SRPK2: variants seen among roughly 807,000 people sequenced by gnomAD.
SRPK2 encodes SFRS protein kinase 2.
Under a neutral mutation model 90.8 loss-of-function variants are expected in SRPK2, and 21 were observed. That is an observed-to-expected ratio of 0.23 (90% CI 0.16 to 0.33). The LOEUF (loss-of-function observed/expected upper bound fraction) is 0.33, where lower values mean the gene tolerates loss of function less well. Among genes scored for constraint, SRPK2 ranks in the 10% least tolerant of loss-of-function variants. The pLI, the probability that SRPK2 is intolerant of heterozygous loss-of-function variation, is 1.00. For synonymous variants in SRPK2, 288 were observed against 311.1 expected (o/e 0.93, Z 0.78); for missense variants, 620 against 869.0 (o/e 0.71, Z 3.60).
Position 105,381,245 on chromosome 7 carries a change from A to G in SRPK2, c.71+7403T>C, listed in dbSNP as rs78849106. Reference sequence around the variant, plus strand: ...GGTGACAGAGCAAGACTGCCTCAAGAAAAAAAAAAAAAGTTATTTCATTAA... The same window carrying G: ...GGTGACAGAGCAAGACTGCCTCAAGGAAAAAAAAAAAAGTTATTTCATTAA... On this transcript the variant is annotated intron_variant, in intron 2 of 15. Coordinates refer to ENST00000393651, the MANE Select transcript of SRPK2 (RefSeq NM_182692.3). Among the ~76,000 whole-genome samples, 11 of 144,010 alleles carry G rather than the reference A, an allele frequency of 7.6e-5. No individual in the cohort carries two copies. In the East Asian group the frequency reaches 1.2e-3, roughly 16 times the overall value. 94.5% of individuals were successfully genotyped at this position (144,010 alleles called of 152,430 possible). A position where few individuals can be genotyped will look rare whatever the true frequency, so the allele number is the denominator to read the frequency against.
At chr7:105,149,831 C>T (rs953626366) in intron 7 of SRPK2, among the ~76,000 whole-genome samples, 4 of 152,152 alleles carry the variant, frequency 2.6e-5, no homozygotes, top group East Asian at 1.9e-4. Flanking sequence ...CTCTTAAAAA[C>T]GATCAAAATC....
At chr7:105,254,751 G>A (rs911951543) in intron 2 of SRPK2, among the ~76,000 whole-genome samples, 1 of 152,046 alleles carries the variant, frequency 6.6e-6, no homozygotes, top group African/African-American at 2.4e-5. Context: ...GTGCAGTGGT[G>A]TGGTCTTGGC....
At chr7:105,201,538 T>C (rs1795552460) in intron 3 of SRPK2, among the ~76,000 whole-genome samples, 1 of 151,294 alleles carries the variant, frequency 6.6e-6, no homozygotes, top group Non-Finnish European at 1.5e-5. Flanking sequence ...AAGATCCAGA[T>C]GAACAAGACA....
intron 2 of SRPK2, among the ~76,000 whole-genome samples, chr7:105,294,888 T>C (rs1384012269): frequency 6.6e-6 from 1 of 152,150 alleles, no homozygotes; most frequent in Non-Finnish European, 1.5e-5. Flanking sequence ...TAATAATATG[T>C]CTTTTGGCAA....
At chr7:105,369,445 G>A (rs1465640948) in intron 2 of SRPK2, among the ~76,000 whole-genome samples, 1 of 151,914 alleles carries the variant, frequency 6.6e-6, no homozygotes, top group African/African-American at 2.4e-5. Flanking sequence ...ACTGTGCCCG[G>A]CCTACACAAG....
At position 105,153,748 on chromosome 7, in the gene SRPK2, G is replaced by A. The variant is rs190768946; in HGVS notation, c.621+6759C>T. 2.4e-4 allele frequency among the ~76,000 whole-genome samples: 37 copies of A among 152,278 alleles called. 1 individual carries two copies. The highest frequency in any genetic ancestry group is 1.1e-3 in the Admixed American group (17 of 15,292). On this transcript the variant is annotated intron_variant, in intron 7 of 15. Transcript: ENST00000393651. ...GTCTCCTCCTACTCTGTGGGTAACA[G>A]AACCTAATGAAGCACCCAGAGAAAC...
rs771701078 is a variant in SRPK2 at position 105,117,874 on chromosome 7, A to T, written c.2064T>A (p.Ala688=). The T allele has an allele frequency of 1.2e-5, 19 of 1,613,268 alleles. No homozygotes were observed. In the South Asian group the frequency reaches 2.0e-4, roughly 17 times the overall value. The change falls in exon 16 of 16, where the codon GCT becomes GCA. Residue 688 remains alanine (A), a synonymous_variant. Transcript: ENST00000393651. ...ACCAAGGATGCCGAAGGCATTCGCC[A>T]GCTGAGGCTCGTTTTTCTGGAACCA... ...LEMVPEKRAS[A]GECLRHPWLN...
chr7:105,394,306 C>A (rs896569709), upstream of SRPK2, among the ~76,000 whole-genome samples: 2 of 152,080 alleles, frequency 1.3e-5, no homozygotes, highest in African/African-American at 4.8e-5. Context: ...CCATGCCCAG[C>A]TAATTTTTGT....
chr7:105,215,083 T>C (rs1047352594), intron 2 of SRPK2, among the ~76,000 whole-genome samples: 1 of 152,200 alleles, frequency 6.6e-6, no homozygotes, highest in Non-Finnish European at 1.5e-5. Flanking sequence ...ACAATTCAAT[T>C]GGGAAAGAAT....
At chr7:105,347,883 G>A (rs892134003) in intron 2 of SRPK2, among the ~76,000 whole-genome samples, 4 of 151,210 alleles carry the variant, frequency 2.6e-5, no homozygotes, top group Admixed American at 6.6e-5. Context: ...AAAGAAAAGC[G>A]GTAGCTTGCA....
upstream of SRPK2, chr7:105,388,926 C>T (rs1563324451): frequency 1.7e-6 from 2 of 1,190,692 alleles, no homozygotes; most frequent in Non-Finnish European, 2.1e-6. Context: ...GCGCCTGCGC[C>T]GCCGCCGCCG....
chr7:105,389,816 A>C (rs1206272864), upstream of SRPK2, among the ~76,000 whole-genome samples: 3 of 152,228 alleles, frequency 2.0e-5, no homozygotes, highest in African/African-American at 7.2e-5. Context: ...TTATGTAAAT[A>C]ATTACAATAG....
intron 2 of SRPK2, among the ~76,000 whole-genome samples, chr7:105,248,128 C>T (rs1286429004): frequency 1.3e-5 from 2 of 152,194 alleles, no homozygotes; most frequent in African/African-American, 2.4e-5. Flanking sequence ...GCTGGGATTA[C>T]AGGCGTGAGC....
chr7:105,365,912 T>C (rs1343584905), intron 2 of SRPK2, among the ~76,000 whole-genome samples: 1 of 151,860 alleles, frequency 6.6e-6, no homozygotes, highest in Non-Finnish European at 1.5e-5. Flanking sequence ...CTGGAGTGCA[T>C]GGCGCGATCT....
intron 3 of SRPK2, among the ~76,000 whole-genome samples, chr7:105,185,597 C>T (rs1471423361): frequency 6.6e-6 from 1 of 151,946 alleles, no homozygotes; most frequent in Non-Finnish European, 1.5e-5. Flanking sequence ...CTAAACTACT[C>T]TAATGAAATT....
intron 2 of SRPK2, among the ~76,000 whole-genome samples, chr7:105,340,456 A>C (rs1278357546): frequency 7.1e-6 from 1 of 140,356 alleles, no homozygotes; most frequent in South Asian, 2.2e-4. Flanking sequence ...GCTGCAGTGC[A>C]GTGGTGGTGC....
At chr7:105,367,419 C>T (rs1422693591) in intron 2 of SRPK2, among the ~76,000 whole-genome samples, 1 of 152,096 alleles carries the variant, frequency 6.6e-6, no homozygotes, top group African/African-American at 2.4e-5. Context: ...CGCACCACTA[C>T]ACCCAGTTAA....
intron 2 of SRPK2, among the ~76,000 whole-genome samples, chr7:105,256,039 G>A (rs984552279): frequency 2.0e-5 from 3 of 152,112 alleles, no homozygotes; most frequent in Non-Finnish European, 4.4e-5. Context: ...TTTTAGTATG[G>A]CTATTAGAGC....
At chr7:105,260,320 A>G (rs546104680) in intron 2 of SRPK2, among the ~76,000 whole-genome samples, 1 of 152,370 alleles carries the variant, frequency 6.6e-6, no homozygotes, top group Non-Finnish European at 1.5e-5. Flanking sequence ...ATGCAAATCA[A>G]AACCACAATG....
Sources: gnomAD v4.1 joint callset for allele counts (sites outside exome capture counted in the v4.1 genomes callset) on GRCh38, gnomAD v4.1.1 for gene constraint, MANE v1.5 for transcripts, NCBI Gene and HGNC (gene_info 2026-07-23, HGNC 2026-07-21) for gene names.